CCND3: variants seen among roughly 807,000 people sequenced by gnomAD.
The protein encoded by CCND3 is G1/S-specific cyclin-D3.
In CCND3, 9 loss-of-function variants were observed where a neutral mutation model predicts 28.7. That is an observed-to-expected ratio of 0.31 (90% CI 0.19 to 0.55). The LOEUF (loss-of-function observed/expected upper bound fraction) is 0.55, where lower values mean the gene tolerates loss of function less well. Among genes scored for constraint, CCND3 ranks in the 20% least tolerant of loss-of-function variants. CCND3 has a pLI of 0.93. For synonymous variants in CCND3, 164 were observed against 163.9 expected (o/e 1.00, Z 0.00); for missense variants, 315 against 385.8 (o/e 0.82, Z 1.54).
chr6:42,003,282 T>G (rs1193393552), intron 1 of CCND3, among the ~76,000 whole-genome samples: 4 of 150,590 alleles, frequency 2.7e-5, no homozygotes, highest in African/African-American at 7.3e-5. Context: ...TCCCAGCACT[T>G]TGGGAAGCCG....
intron 1 of CCND3, among the ~76,000 whole-genome samples, chr6:41,996,110 TATATATATATATA>T (rs1400619249): frequency 2.2e-4 from 21 of 97,168 alleles, no homozygotes; most frequent in South Asian, 1.1e-3. Flanking sequence ...TCTGCTCTCA[TATATATATATATA>T]ATATATATAT....
intron 1 of CCND3, among the ~76,000 whole-genome samples, chr6:42,018,893 A>T (rs1347680041): frequency 4.0e-3 from 1 of 252 alleles, no homozygotes; most frequent in Non-Finnish European, 0.1. Context: ...CTCCATGTTA[A>T]AAAAAAAAAA....
In CCND3 at chr6:42,027,795, T is replaced by TGG. The variant is rs1763925001; in HGVS notation, c.-46+20704_-46+20705dup. Among the ~76,000 whole-genome samples, 7 of 152,218 alleles carry TGG rather than the reference T, an allele frequency of 4.6e-5. No individual in the cohort carries two copies. In the East Asian group the frequency reaches 1.4e-3, roughly 29 times the overall value. On this transcript the variant is annotated intron_variant, in intron 1 of 4. Transcript: ENST00000372988. ...AGAGTTTTGCTCTTGTTGTCCAGGC[T>TGG]GGAGGGCAATGGCTCAATCTCAGCT...
At chr6:41,961,567 A>AAAAAACAACAACAAC (rs1761717594) in intron 1 of CCND3, among the ~76,000 whole-genome samples, 1 of 151,794 alleles carries the variant, frequency 6.6e-6, no homozygotes, top group South Asian at 2.1e-4. Context: ...ACTCTGTCTC[A>AAAAAACAACAACAAC]AAAAACAACA....
At chr6:42,037,501 C>G (rs1259732037) in intron 1 of CCND3, among the ~76,000 whole-genome samples, 1 of 147,098 alleles carries the variant, frequency 6.8e-6, no homozygotes, top group Admixed American at 6.8e-5. Flanking sequence ...TCCCAAAGTG[C>G]TGGGATTACA....
intron 1 of CCND3, among the ~76,000 whole-genome samples, chr6:41,976,488 A>G (rs899664106): frequency 2.0e-5 from 3 of 152,024 alleles, no homozygotes; most frequent in African/African-American, 7.3e-5. Flanking sequence ...CACCATCTCC[A>G]TGAAAACTTC....
chr6:42,037,717 G>A (rs1255302050), intron 1 of CCND3, among the ~76,000 whole-genome samples: 1 of 151,834 alleles, frequency 6.6e-6, no homozygotes, highest in African/African-American at 2.4e-5. Context: ...CGGGTGCACC[G>A]ATTATTAGGT....
chr6:41,937,693 T>C, intron 2 of CCND3: 1 of 401,688 alleles, frequency 2.5e-6, no homozygotes, highest in Non-Finnish European at 4.6e-6. Flanking sequence ...GGCCTTCTCC[T>C]GACTTCATTC....
intron 1 of CCND3, among the ~76,000 whole-genome samples, chr6:42,003,176 A>AGG (rs5875780): frequency 1.5e-5 from 1 of 65,868 alleles, no homozygotes; most frequent in Admixed American, 1.7e-4. Context: ...AAAAAAAAAA[A>AGG]GAGAAATATT....
At chr6:41,991,028 G>C (rs1762631565) in intron 1 of CCND3, among the ~76,000 whole-genome samples, 1 of 151,574 alleles carries the variant, frequency 6.6e-6, no homozygotes, top group Non-Finnish European at 1.5e-5. Flanking sequence ...ACTGGGGAAA[G>C]GATAGTCTCT....
intron 1 of CCND3, among the ~76,000 whole-genome samples, chr6:41,972,894 AT>A (rs1408453132): frequency 3.4e-5 from 5 of 148,954 alleles, no homozygotes; most frequent in South Asian, 2.2e-4. Flanking sequence ...AAAATTAAAA[AT>A]ATATATATAT....
Position 42,020,286 on chromosome 6 carries a change from AAAAAG to A in CCND3, c.-46+28210_-46+28214del, listed in dbSNP as rs377201924. Among the ~76,000 whole-genome samples, 80 of 152,368 alleles carry A rather than the reference AAAAAG, an allele frequency of 5.3e-4. No individual in the cohort carries two copies. In the East Asian group the frequency reaches 0.011, roughly 20 times the overall value. On this transcript the variant is annotated intron_variant, in intron 1 of 4. Transcript: ENST00000372988. ...GGCAGAGCGAGACTCTGTCTCAAAA[AAAAAG>A]AAAAGAAAAAAGAAAAACCTTAAGA... is the stretch of plus-strand genomic sequence containing the variant.
intron 1 of CCND3, among the ~76,000 whole-genome samples, chr6:42,046,157 G>A (rs563459765): frequency 2.0e-5 from 3 of 152,158 alleles, no homozygotes; most frequent in Non-Finnish European, 2.9e-5. Context: ...GAGAGGGACC[G>A]CCTCAAGGCC....
intron 1 of CCND3, among the ~76,000 whole-genome samples, chr6:41,994,348 G>A (rs1762736428): frequency 6.6e-6 from 1 of 151,970 alleles, no homozygotes; most frequent in African/African-American, 2.4e-5. Context: ...AACATCACCT[G>A]ACAACTCGTT....
chr6:41,952,186 G>A (rs1217001788), intron 1 of CCND3, among the ~76,000 whole-genome samples: 2 of 152,322 alleles, frequency 1.3e-5, no homozygotes, highest in South Asian at 4.1e-4. Flanking sequence ...GATACAAAGG[G>A]ATTAGGCAAC....
intron 1 of CCND3, among the ~76,000 whole-genome samples, chr6:42,006,690 C>T (rs968945654): frequency 8.6e-5 from 13 of 151,980 alleles, no homozygotes; most frequent in African/African-American, 2.7e-4. Flanking sequence ...GGGTGGGTCA[C>T]GAGGTCAGGA....
At chr6:42,029,284 C>T (rs1381842329) in intron 1 of CCND3, among the ~76,000 whole-genome samples, 5 of 151,996 alleles carry the variant, frequency 3.3e-5, no homozygotes, top group Non-Finnish European at 7.4e-5. Flanking sequence ...AGCCACTGCA[C>T]GCAGCCTTGA....
intron 1 of CCND3, among the ~76,000 whole-genome samples, chr6:41,979,841 AC>A (rs981472772): frequency 1.3e-5 from 2 of 151,854 alleles, no homozygotes; most frequent in African/African-American, 4.8e-5. Context: ...TTGCCATGTT[AC>A]CCAGCCTAGC....
rs1417773179 is a variant in CCND3, at chr6:41,940,237, A to G, written c.414+133T>C. ...ATGCCCCATCGTTTGTTCCACCCCA[A>G]TTCCTTTCCCAAAGGTCCTGATCCC... On this transcript the variant is annotated intron_variant, in intron 2 of 4. Transcript: ENST00000372991. 22 of 780,126 alleles carry G rather than the reference A, an allele frequency of 2.8e-5. No homozygotes were observed. In the East Asian group the frequency reaches 5.5e-4, roughly 20 times the overall value. 48.3% of individuals were successfully genotyped at this position (780,126 alleles called of 1,614,324 possible).
Sources: allele counts gnomAD v4.1 joint callset (sites outside exome capture counted in the v4.1 genomes callset), GRCh38; gene constraint gnomAD v4.1.1; transcripts MANE v1.5; gene names NCBI Gene and HGNC (gene_info 2026-07-23, HGNC 2026-07-21).